Variants in ANK3 observed in about 807,000 individuals in gnomAD.
ANK3 encodes the protein ankyrin-3.
Under a neutral mutation model 370.9 loss-of-function variants are expected in ANK3, and 57 were observed. That is an observed-to-expected ratio of 0.15 (90% CI 0.12 to 0.19). The LOEUF (loss-of-function observed/expected upper bound fraction) is 0.19, where lower values mean the gene tolerates loss of function less well. Ranked by LOEUF, ANK3 falls within the 10% of genes least tolerant of loss-of-function variation. The pLI, the probability that ANK3 is intolerant of heterozygous loss-of-function variation, is 1.00. For synonymous variants in ANK3, 1,929 were observed against 1,946.3 expected (o/e 0.99, Z 0.23); for missense variants, 4,439 against 5,302.1 (o/e 0.84, Z 5.06).
intron 2 of ANK3, among the ~76,000 whole-genome samples, chr10:60,397,881 T>C (rs893114894): frequency 3.9e-5 from 6 of 152,174 alleles, no homozygotes; most frequent in African/African-American, 1.4e-4. Context: ...TCGAGAACAA[T>C]TTTTTCATTC....
chr10:60,204,543 C>G lies in ANK3; in HGVS notation c.1293+1249G>C, dbSNP rs563812300. Among the ~76,000 whole-genome samples, 4 of 152,192 alleles carry G rather than the reference C, an allele frequency of 2.6e-5. No individual in the cohort carries two copies. In the South Asian group the frequency reaches 8.3e-4, roughly 32 times the overall value. ...TAAAAATTCTAAGTGTAAATCTAGG[C>G]AAATATTCCATTTGCAGGCAAGAAA... On this transcript the variant is annotated intron_variant, in intron 11 of 43. Coordinates refer to ENST00000280772, the MANE Select transcript of ANK3 (RefSeq NM_020987.5).
intron 4 of ANK3, among the ~76,000 whole-genome samples, chr10:60,271,178 C>A (rs2132674298): frequency 6.6e-6 from 1 of 151,854 alleles, no homozygotes; most frequent in East Asian, 1.9e-4. Flanking sequence ...AACTATAATT[C>A]TTTTATTATT....
chr10:60,544,838 C>A (rs2076925885), intron 2 of ANK3, among the ~76,000 whole-genome samples: 1 of 151,986 alleles, frequency 6.6e-6, no homozygotes, highest in Non-Finnish European at 1.5e-5. Context: ...AGCTTTATCT[C>A]AACAAATAAT....
In ANK3 at chr10:60,173,003, AGAAG is replaced by A; in HGVS notation, c.2284-9_2284-6del. ...ATGTAATGGCGTATACCCATTCTGT[AGAAG>A]GAAGATGGAAGAGATGATTCTTAAT... On this transcript the variant is annotated splice_polypyrimidine_tract_variant and splice_region_variant and intron_variant, in intron 19 of 43. Transcript: ENST00000280772. The A allele has an allele frequency of 6.2e-7, 1 of 1,610,544 alleles. No individual in the cohort carries two copies. Among genetic ancestry groups the A allele is most frequent in the Non-Finnish European group, 8.5e-7 (1 of 1,176,850 alleles).
At chr10:60,479,563 T>C (rs1442636841) in intron 2 of ANK3, among the ~76,000 whole-genome samples, 2 of 152,196 alleles carry the variant, frequency 1.3e-5, no homozygotes, top group East Asian at 1.9e-4. Context: ...TTGAGAGTTT[T>C]TGAAATCCTA....
At chr10:60,541,850 CTT>C (rs1370318542) in intron 2 of ANK3, among the ~76,000 whole-genome samples, 3 of 151,840 alleles carry the variant, frequency 2.0e-5, no homozygotes, top group Non-Finnish European at 4.4e-5. Flanking sequence ...AAAGCAGAGA[CTT>C]TTATTCAGGA....
intron 1 of ANK3, among the ~76,000 whole-genome samples, chr10:60,300,009 C>G (rs950194352): frequency 1.3e-5 from 2 of 152,044 alleles, no homozygotes; most frequent in African/African-American, 4.8e-5. Flanking sequence ...CTTGGATTTA[C>G]CAGGCTTTTC....
At chr10:60,487,140 T>C (rs1389122941) in intron 2 of ANK3, among the ~76,000 whole-genome samples, 1 of 152,136 alleles carries the variant, frequency 6.6e-6, no homozygotes, top group Non-Finnish European at 1.5e-5. Context: ...CTAAACCAAA[T>C]AGTAAGAACT....
intron 1 of ANK3, among the ~76,000 whole-genome samples, chr10:60,678,270 T>C (rs1345570430): frequency 1.3e-5 from 2 of 152,234 alleles, no homozygotes; most frequent in African/African-American, 4.8e-5. Context: ...AATTGTCAGC[T>C]TAGTAAAATA....
At chr10:60,449,939 G>A (rs80078515) in intron 2 of ANK3, among the ~76,000 whole-genome samples, 1 of 151,968 alleles carries the variant, frequency 6.6e-6, no homozygotes, top group Non-Finnish European at 1.5e-5. Context: ...TGGTCTAAAA[G>A]TCTAGAGAAC....
At chr10:60,449,047 T>C (rs1567049518) in intron 2 of ANK3, among the ~76,000 whole-genome samples, 1 of 152,128 alleles carries the variant, frequency 6.6e-6, no homozygotes, top group African/African-American at 2.4e-5. Flanking sequence ...GTTAGAAACA[T>C]GTGAAATAGT....
chr10:60,075,821 T>A lies in ANK3; in HGVS notation c.5060A>T (p.Asp1687Val). The change falls in exon 37 of 44, where the codon GAT (aspartate) becomes GTT (valine). Residue 1687 changes from aspartate (D) to valine (V), a missense_variant. By Grantham distance (152) the Asp-to-Val change is radical (BLOSUM62 -3). Coordinates refer to ENST00000280772, the MANE Select transcript of ANK3 (RefSeq NM_020987.5). ...TGTAATTTTGGCTGATGAAATGACA[T>A]CAACTGCTGATTTAACTGGAGACAC... ...SVVSPVKSAV[D>V]VISSAKITMA... 6.2e-7 allele frequency: 1 copy of A among 1,614,154 alleles called. No individual in the cohort carries two copies. Among genetic ancestry groups the A allele is most frequent in the Non-Finnish European group, 8.5e-7 (1 of 1,179,996 alleles).
intron 30 of ANK3, 81 bp downstream of exon 30, chr10:60,086,596 T>C: frequency 7.9e-7 from 1 of 1,267,120 alleles, no homozygotes; most frequent in Admixed American, 2.4e-5. Context: ...ATTTCAAAGG[T>C]TTTATATCTT....
chr10:60,592,796 C>G (rs1440588336), intron 2 of ANK3, among the ~76,000 whole-genome samples: 1 of 152,118 alleles, frequency 6.6e-6, no homozygotes, highest in African/African-American at 2.4e-5. Context: ...GACTGAATTA[C>G]TTCAAGACAG....
At chr10:60,583,525 G>T (rs9731230) in intron 2 of ANK3, among the ~76,000 whole-genome samples, 46,899 of 85,578 alleles carry the variant, frequency 0.55, 12,031 homozygotes, top group South Asian at 0.68. Flanking sequence ...TTTGTTTTTT[G>T]TTTTTTTTTG....
intron 2 of ANK3, among the ~76,000 whole-genome samples, chr10:60,550,776 T>A (rs114198946): frequency 1.1e-3 from 160 of 152,212 alleles, no homozygotes; most frequent in Middle Eastern, 6.8e-3. Context: ...TATAATGAAG[T>A]GAATTTTACT....
At chr10:60,311,089 G>C (rs1039135692) in intron 1 of ANK3, among the ~76,000 whole-genome samples, 1 of 152,180 alleles carries the variant, frequency 6.6e-6, no homozygotes, top group Non-Finnish European at 1.5e-5. Flanking sequence ...GCCAGACTTA[G>C]TGGAGAAAAA....
At chr10:60,434,884 T>C (rs541512830) in intron 2 of ANK3, among the ~76,000 whole-genome samples, 2 of 152,366 alleles carry the variant, frequency 1.3e-5, no homozygotes, top group South Asian at 4.1e-4. Flanking sequence ...ATTTGTTTTA[T>C]GTGAACTTGA....
chr10:60,641,598 A>G (rs2133351367), intron 1 of ANK3, among the ~76,000 whole-genome samples: 1 of 151,998 alleles, frequency 6.6e-6, no homozygotes, highest in East Asian at 1.9e-4. Flanking sequence ...CTGAAACTGG[A>G]TCCCTTCCTT....
Sources: allele counts gnomAD v4.1 joint callset (sites outside exome capture counted in the v4.1 genomes callset), GRCh38; gene constraint gnomAD v4.1.1; transcripts MANE v1.5; gene names NCBI Gene and HGNC (gene_info 2026-07-23, HGNC 2026-07-21).